WDR81: variants seen among roughly 807,000 people sequenced by gnomAD.
WDR81 encodes the protein WD repeat domain 81.
Under a neutral mutation model 140.8 loss-of-function variants are expected in WDR81, and 92 were observed. The observed-to-expected ratio is 0.65, with a 90% CI of 0.55 to 0.78. The LOEUF is 0.78. Among genes scored for constraint, WDR81 ranks in the 30% least tolerant of loss-of-function variants. The pLI is 0.00. For synonymous variants in WDR81, 1,183 were observed against 1,156.4 expected (o/e 1.02, Z -0.47); for missense variants, 2,502 against 2,636.4 (o/e 0.95, Z 1.12).
chr17:1,732,772 A>G lies in WDR81; in HGVS notation c.4430A>G (p.Gln1477Arg), dbSNP rs1475305331. The G allele has an allele frequency of 3.7e-6, 6 of 1,613,078 alleles. No homozygotes were observed. The South Asian group carries it at 5.5e-5, about 15-fold the overall frequency. Residue 1477 changes from glutamine to arginine, a missense_variant, in exon 6 of 10, where the codon CAG becomes CGG. Gln to Arg is a conservative substitution (Grantham distance 43). Coordinates refer to ENST00000409644, the MANE Select transcript of WDR81 (RefSeq NM_001163809.2). ...PVDPALLDEL[Q>R]KVFTLEMAYT... The stretch of plus-strand genomic sequence containing the variant: ...GACCCCGCCCTGCTGGACGAGCTGC[A>G]GAAGGTGTTCACCCTGGAGATGGCA...
intron 1 of WDR81, among the ~76,000 whole-genome samples, chr17:1,718,266 C>T (rs193195987): frequency 6.6e-5 from 10 of 152,240 alleles, no homozygotes; most frequent in African/African-American, 9.6e-5. Flanking sequence ...TACAGGCGTG[C>T]GCTACCACTC....
chr17:1,719,800 C>T (rs900666815), upstream of WDR81, among the ~76,000 whole-genome samples: 29 of 151,818 alleles, frequency 1.9e-4, no homozygotes, highest in African/African-American at 6.5e-4. Flanking sequence ...CTCAGGAGTT[C>T]GAGACCAGCC....
In WDR81 at chr17:1,727,692, G is replaced by A. The variant is rs1383687741; in HGVS notation, c.2733G>A (p.Ala911=). 15 of 1,550,348 alleles carry A rather than the reference G, an allele frequency of 9.7e-6. No homozygotes were observed. Among genetic ancestry groups the A allele is most frequent in the African/African-American group, 1.4e-5 (1 of 73,048 alleles). ...LVFALWQQLG[A]VLKDITPEGL... ...TTGCTCTGTGGCAGCAGCTGGGCGCGGTGCTGAAGGACATCACCCCTGAGG... is the reference window on the plus strand; with the variant it reads ...TTGCTCTGTGGCAGCAGCTGGGCGCAGTGCTGAAGGACATCACCCCTGAGG... Residue 911 remains alanine, a synonymous_variant, in exon 1 of 10, where the codon GCG becomes GCA. Transcript: ENST00000409644.
chr17:1,720,973 G>A (rs1342478469), upstream of WDR81, among the ~76,000 whole-genome samples: 2 of 152,044 alleles, frequency 1.3e-5, no homozygotes, highest in Non-Finnish European at 2.9e-5. Flanking sequence ...CCCCAGTACC[G>A]CTAGAGGGCA....
In WDR81 at chr17:1,728,640, T is replaced by C; in HGVS notation, c.3667+14T>C. 6.9e-7 allele frequency: 1 copy of C among 1,452,076 alleles called. No homozygotes were observed. 89.9% of individuals were successfully genotyped at this position (1,452,076 alleles called of 1,614,324 possible). ...AGATCCTCCTTGGTAAGTTCCCAGGTCTGGGAGGTGTTGGTCAAAAACACC... is the reference window on the plus strand; with the variant it reads ...AGATCCTCCTTGGTAAGTTCCCAGGCCTGGGAGGTGTTGGTCAAAAACACC... On this transcript the variant is annotated intron_variant, in intron 1 of 9. Coordinates refer to ENST00000409644, the MANE Select transcript of WDR81 (RefSeq NM_001163809.2).
chr17:1,720,503 A>G (rs1227992058), upstream of WDR81, among the ~76,000 whole-genome samples: 2 of 152,150 alleles, frequency 1.3e-5, no homozygotes. Flanking sequence ...AGGGCCGGGC[A>G]TGGTGGCTCA....
At chr17:1,716,981 C>T (rs1167950342) in intron 1 of WDR81, 1 of 407,868 alleles carries the variant, frequency 2.5e-6, no homozygotes, top group Non-Finnish European at 4.4e-6. Flanking sequence ...CAGAAGAGCC[C>T]CCAGAGCCTC....
Position 1,732,851 on chromosome 17 carries a change from C to T in WDR81, c.4489+20C>T. The T allele has an allele frequency of 6.3e-7, 1 of 1,575,674 alleles. No homozygotes were observed. The highest frequency in any genetic ancestry group is 8.6e-7 in the Non-Finnish European group (1 of 1,156,724). On this transcript the variant is annotated intron_variant, in intron 6 of 9. Coordinates refer to ENST00000409644, the MANE Select transcript of WDR81 (RefSeq NM_001163809.2). ...TGTTGGGTACTGCCCCATCACGTTC[C>T]CCATCACAGTCTTCGTGGCTGTCTC...
upstream of WDR81, among the ~76,000 whole-genome samples, chr17:1,721,922 G>C (rs540387973): frequency 3.3e-5 from 5 of 151,846 alleles, no homozygotes; most frequent in Non-Finnish European, 1.5e-5. Context: ...TCGGGAGTTT[G>C]AGACCAGCCT....
rs1915330865 is a variant in WDR81, at chr17:1,727,089, C to A, written c.2130C>A (p.Asp710Glu). ...PGRRNKAAGA[D>E]PGEGEEGRIL... ...GCAGGAATAAAGCTGCTGGGGCAGA[C>A]CCTGGGGAGGGTGAGGAGGGGAGGA... Residue 710 changes from aspartate (D) to glutamate (E), a missense_variant, in exon 1 of 10, where the codon GAC becomes GAA. This residue lies in a region of WDR81 where 1,737 missense variants were observed against 1,843.0 expected (regional missense o/e 0.94). Transcript: ENST00000409644. 6.5e-7 allele frequency: 1 copy of A among 1,548,576 alleles called. No individual in the cohort carries two copies. The highest frequency in any genetic ancestry group is 1.4e-5 in the African/African-American group (1 of 72,950).
Position 1,725,276 on chromosome 17 carries a change from A to T in WDR81, c.317A>T (p.Glu106Val). 6.5e-7 allele frequency: 1 copy of T among 1,546,096 alleles called. No homozygotes were observed. The highest frequency in any genetic ancestry group is 8.7e-7 in the Non-Finnish European group (1 of 1,146,930). Residue 106 changes from glutamate to valine, a missense_variant, in exon 1 of 10, where the codon GAG (glutamate) becomes GTG (valine). By Grantham distance (121) the Glu-to-Val change is moderately radical. Coordinates refer to ENST00000409644, the MANE Select transcript of WDR81 (RefSeq NM_001163809.2). ...CTGCCTGCCGGCTGGACGCGCGTGG[A>T]GGTGCATGGGCTGCGGAAGCGGAGA... ...QRLPAGWTRV[E>V]VHGLRKRRLS...
At position 1,736,122 on chromosome 17, in the gene WDR81, C is replaced by T. The variant is rs369810826; in HGVS notation, c.5409C>T (p.Ala1803=). ...AISPSGRSVV[A]GFSSGFMVLL... is the part of the protein sequence containing the mutation. ...GCCCCAGTGGCCGTAGTGTCGTGGC[C>T]GGCTTCTCCTCAGGCTTCATGGTGC... Residue 1803 remains alanine, a synonymous_variant, in exon 9 of 10, where the codon GCC becomes GCT. Coordinates refer to ENST00000409644, the MANE Select transcript of WDR81 (RefSeq NM_001163809.2). 516 of 1,602,620 alleles carry T rather than the reference C, an allele frequency of 3.2e-4. No homozygotes were observed. Among genetic ancestry groups the T allele is most frequent in the Admixed American group, 6.0e-4 (36 of 60,010 alleles).
rs1445581600 is a variant in WDR81 at position 1,725,581 on chromosome 17, C to T, written c.622C>T (p.Pro208Ser). Residue 208 changes from proline to serine, a missense_variant, in exon 1 of 10, where the codon CCC (proline) becomes TCC (serine). Pro to Ser is a moderately conservative substitution (Grantham distance 74, BLOSUM62 -1). This residue lies in a region of WDR81 where 547 missense variants were observed against 513.8 expected (regional missense o/e 1.06). Coordinates refer to ENST00000409644, the MANE Select transcript of WDR81 (RefSeq NM_001163809.2). ...TTCATATGCCAGAGAAGGCCCCTGC[C>T]CCCCTCGGGGCAGCCCTGCTTGCCC... ...CPSYAREGPC[P>S]PRGSPACPSL... 1.3e-6 allele frequency: 2 copies of T among 1,545,218 alleles called. No homozygotes were observed. The highest frequency in any genetic ancestry group is 1.7e-6 in the Non-Finnish European group (2 of 1,146,942).
rs376825316 is a variant in WDR81 at position 1,737,379 on chromosome 17, C to T, written c.5520C>T (p.Ser1840=). The T allele has an allele frequency of 2.5e-5, 41 of 1,608,008 alleles. No homozygotes were observed. The highest frequency in any genetic ancestry group is 1.5e-4 in the African/African-American group (11 of 74,958). The stretch of plus-strand genomic sequence containing the variant: ...TCCCGGGACAGGCGGTGGAGGGCAG[C>T]GTCCTGGTCAGCTCCTCCTCTGACC... ...DILQIKAVEG[S]VLVSSSSDHS... The change falls in exon 10 of 10, where the codon AGC becomes AGT. Residue 1840 remains serine, a synonymous_variant. Transcript: ENST00000409644.
In WDR81 at chr17:1,728,678, A is replaced by G. The variant is rs1567721780; in HGVS notation, c.3667+52A>G. 11 of 1,441,580 alleles carry G rather than the reference A, an allele frequency of 7.6e-6. No homozygotes were observed. The Admixed American group carries it at 2.8e-4, about 37-fold the overall frequency. The allele number at this position is 1,441,580 out of a possible 1,614,324, so 89.3% of individuals were successfully genotyped here. On this transcript the variant is annotated intron_variant, in intron 1 of 9. Transcript: ENST00000409644. Reference sequence around the variant, plus strand: ...GGTCAAAAACACCTCCTGCTGGCCGAGCACAGTGGTTCACGCCTGTATTCC... The same window carrying G: ...GGTCAAAAACACCTCCTGCTGGCCGGGCACAGTGGTTCACGCCTGTATTCC...
At chr17:1,736,366 C>A in intron 9 of WDR81, 148 bp downstream of exon 9, 1 of 1,048,952 alleles carries the variant, frequency 9.5e-7, no homozygotes, top group Non-Finnish European at 1.3e-6. Context: ...GGGAGGGTAG[C>A]CCTCTCGGTC....
rs1180066133 is a variant in WDR81, at chr17:1,724,914, C to G, written c.-46C>G. On this transcript the variant is annotated 5_prime_UTR_variant, in exon 1 of 10. Transcript: ENST00000409644. ...CCCCGGAAGCCGTCGCCAGCAGGGCCGTGGCTGGGCTCAGCCCCGCGCTGC... is the reference window on the plus strand; with the variant it reads ...CCCCGGAAGCCGTCGCCAGCAGGGCGGTGGCTGGGCTCAGCCCCGCGCTGC... 18 of 1,318,622 alleles carry G rather than the reference C, an allele frequency of 1.4e-5. No homozygotes were observed. Among genetic ancestry groups the G allele is most frequent in the Non-Finnish European group, 1.6e-5 (17 of 1,037,582 alleles). 81.7% of individuals were successfully genotyped at this position (1,318,622 alleles called of 1,614,324 possible).
upstream of WDR81, among the ~76,000 whole-genome samples, chr17:1,722,249 G>A (rs2151157154): frequency 6.6e-6 from 1 of 152,228 alleles, no homozygotes; most frequent in South Asian, 2.1e-4. Context: ...TACTGCCCAG[G>A]ATCATATGAC....
rs767367919 is a variant in WDR81 at position 1,732,768 on chromosome 17, C to G, written c.4426C>G (p.Leu1476Val). The change falls in exon 6 of 10, where the codon CTG (leucine) becomes GTG (valine). Residue 1476 changes from leucine (L) to valine (V), a missense_variant. Leu to Val is a conservative substitution (Grantham distance 32). This residue lies in a region of WDR81 where 1,737 missense variants were observed against 1,843.0 expected (regional missense o/e 0.94). Transcript: ENST00000409644. Reference protein sequence around the residue: ...RPVDPALLDELQKVFTLEMAY... With the variant: ...RPVDPALLDEVQKVFTLEMAY... ...CGTGGACCCCGCCCTGCTGGACGAG[C>G]TGCAGAAGGTGTTCACCCTGGAGAT... 6.2e-7 allele frequency: 1 copy of G among 1,613,148 alleles called. No individual in the cohort carries two copies. Among genetic ancestry groups the G allele is most frequent in the Non-Finnish European group, 8.5e-7 (1 of 1,179,974 alleles).
Sources: allele counts gnomAD v4.1 joint callset (sites outside exome capture counted in the v4.1 genomes callset), GRCh38; gene constraint gnomAD v4.1.1; regional missense constraint gnomAD v4.1.1; transcripts MANE v1.5; gene names NCBI Gene and HGNC (gene_info 2026-07-23, HGNC 2026-07-21).